BLTP1: variants seen among roughly 807,000 people sequenced by gnomAD.
BLTP1 encodes fragile site-associated protein.
the BLTP1 span, among the ~76,000 whole-genome samples, chr4:122,290,481 A>T: frequency 6.6e-6 from 1 of 152,006 alleles, no homozygotes; most frequent in Non-Finnish European, 1.5e-5. Flanking sequence ...TACTTTCAAG[A>T]TAGTTTTATT....
the BLTP1 span, among the ~76,000 whole-genome samples, chr4:122,311,684 A>G: frequency 6.6e-6 from 1 of 152,328 alleles, no homozygotes; most frequent in South Asian, 2.1e-4. Context: ...GTCTATAGGA[A>G]GAGTTCAAAG....
At chr4:122,246,691 A>T in the BLTP1 span, 1 of 1,611,908 alleles carries the variant, frequency 6.2e-7, no homozygotes, top group South Asian at 1.1e-5. Context: ...AGGTAAACTT[A>T]TGTTTGTTAC....
chr4:122,152,445 G>C, the BLTP1 span: 1 of 985,666 alleles, frequency 1.0e-6, no homozygotes. Flanking sequence ...CGGGGCTAAA[G>C]GGTGTGGGCA....
chr4:122,207,447 G>C, the BLTP1 span: 1 of 1,466,684 alleles, frequency 6.8e-7, no homozygotes, highest in Non-Finnish European at 9.0e-7. Context: ...ATTTTGTTTA[G>C]TTGTGCATTT....
chr4:122,320,849 C>A, the BLTP1 span, among the ~76,000 whole-genome samples: 1 of 151,908 alleles, frequency 6.6e-6, no homozygotes, highest in Non-Finnish European at 1.5e-5. Flanking sequence ...CTATTTTCTA[C>A]TTTTTGCCTT....
chr4:122,177,159 A>G, the BLTP1 span, among the ~76,000 whole-genome samples: 4 of 152,098 alleles, frequency 2.6e-5, no homozygotes, highest in African/African-American at 4.8e-5. Flanking sequence ...TTCCCACCCA[A>G]ACCTACCCCA....
the BLTP1 span, chr4:122,226,468 C>T: frequency 7.2e-6 from 9 of 1,257,044 alleles, no homozygotes; most frequent in Non-Finnish European, 9.0e-6. Context: ...TTTTCAGTTG[C>T]AATTAGTTTT....
the BLTP1 span, among the ~76,000 whole-genome samples, chr4:122,194,268 GCTAA>G: frequency 2.6e-5 from 4 of 152,142 alleles, no homozygotes; most frequent in African/African-American, 7.2e-5. Flanking sequence ...TCATTAAGTA[GCTAA>G]CTAACAATTA....
At chr4:122,164,969 A>C in the BLTP1 span, among the ~76,000 whole-genome samples, 1 of 152,172 alleles carries the variant, frequency 6.6e-6, no homozygotes. Flanking sequence ...TTATAGCATG[A>C]ATTTGAATAT....
chr4:122,182,347 C>G, the BLTP1 span, among the ~76,000 whole-genome samples: 1 of 152,100 alleles, frequency 6.6e-6, no homozygotes, highest in Admixed American at 6.5e-5. Flanking sequence ...TATGGCACTC[C>G]CCTGCCCTCC....
the BLTP1 span, among the ~76,000 whole-genome samples, chr4:122,308,721 C>T: frequency 6.6e-6 from 1 of 152,062 alleles, no homozygotes; most frequent in African/African-American, 2.4e-5. Context: ...AGAGAAAAGG[C>T]TATGAACACC....
the BLTP1 span, chr4:122,237,149 G>A: frequency 1.0e-6 from 1 of 985,042 alleles, no homozygotes; most frequent in African/African-American, 1.7e-5. Flanking sequence ...CACTAGAACT[G>A]CATTCTGTTC....
the BLTP1 span, chr4:122,199,274 TG>T: frequency 6.6e-7 from 1 of 1,524,782 alleles, no homozygotes; most frequent in Admixed American, 1.9e-5. Context: ...CTTCTTTGAG[TG>T]GTGGTAGGAG....
chr4:122,198,285 T>G, the BLTP1 span: 10 of 985,142 alleles, frequency 1.0e-5, no homozygotes, highest in Non-Finnish European at 1.2e-5. Flanking sequence ...TACTAAGGCT[T>G]GAAGGAAATG....
At chr4:122,334,982 G>A in the BLTP1 span, among the ~76,000 whole-genome samples, 1 of 151,966 alleles carries the variant, frequency 6.6e-6, no homozygotes, top group Non-Finnish European at 1.5e-5. Context: ...CAGAAATGTA[G>A]GCACAGTTTG....
At chr4:122,288,780 A>G in the BLTP1 span, 1 of 517,546 alleles carries the variant, frequency 1.9e-6, no homozygotes, top group Non-Finnish European at 2.5e-6. Flanking sequence ...TTACTCTAGG[A>G]GAAAATTTAA....
the BLTP1 span, chr4:122,281,496 C>A: frequency 6.6e-7 from 1 of 1,519,568 alleles, no homozygotes; most frequent in Non-Finnish European, 8.8e-7. Flanking sequence ...AATGGTACGT[C>A]CTGTGTTTAT....
At chr4:122,301,873 G>A in the BLTP1 span, among the ~76,000 whole-genome samples, 1 of 152,094 alleles carries the variant, frequency 6.6e-6, no homozygotes, top group Non-Finnish European at 1.5e-5. Context: ...ACTAGCTCTG[G>A]CAACATAGCG....
chr4:122,273,222 A>G, the BLTP1 span: 23 of 967,946 alleles, frequency 2.4e-5, no homozygotes, highest in Non-Finnish European at 2.6e-5. Context: ...GGTCTAATCA[A>G]AACTTACTTT....
Sources: gnomAD v4.1 joint callset for allele counts (sites outside exome capture counted in the v4.1 genomes callset) on GRCh38, gnomAD v4.1.1 for gene constraint, MANE v1.5 for transcripts, NCBI Gene and HGNC (gene_info 2026-07-23, HGNC 2026-07-21) for gene names.